Variants in ZSCAN5A observed in about 807,000 individuals in gnomAD.
ZSCAN5A encodes zinc finger and SCAN domain containing 5A.
Under a neutral mutation model 23.7 loss-of-function variants are expected in ZSCAN5A, and 12 were observed. That is an observed-to-expected ratio of 0.51 (90% CI 0.32 to 0.82). The LOEUF is 0.82. Ranked by LOEUF, ZSCAN5A falls within the 40% of genes least tolerant of loss-of-function variation. ZSCAN5A has a pLI of 0.03. For synonymous variants in ZSCAN5A, 257 were observed against 239.9 expected (o/e 1.07, Z -0.66); for missense variants, 597 against 617.9 (o/e 0.97, Z 0.36).
chr19:56,287,105 T>G (rs1257478913), intron 2 of ZSCAN5A, among the ~76,000 whole-genome samples: 1 of 152,244 alleles, frequency 6.6e-6, no homozygotes, highest in Non-Finnish European at 1.5e-5. Flanking sequence ...AAGTCTTCCT[T>G]GTGGTTTCTG....
intron 2 of ZSCAN5A, among the ~76,000 whole-genome samples, chr19:56,302,608 T>TCTCCCTCTTCCTCC (rs1393987659): frequency 3.2e-5 from 2 of 62,122 alleles, no homozygotes; most frequent in Non-Finnish European, 5.9e-5. Flanking sequence ...CTCTTCTTCC[T>TCTCCCTCTTCCTCC]CTCCCTCTTC....
intron 2 of ZSCAN5A, among the ~76,000 whole-genome samples, chr19:56,277,761 G>A (rs2038374583): frequency 6.6e-6 from 1 of 151,632 alleles, no homozygotes; most frequent in Non-Finnish European, 1.5e-5. Flanking sequence ...AAGGAAGGAG[G>A]GTGGCAGGGA....
intron 3 of ZSCAN5A, 118 bp downstream of exon 3, chr19:56,224,545 T>C (rs1416364621): frequency 1.8e-5 from 23 of 1,274,210 alleles, no homozygotes; most frequent in Non-Finnish European, 2.5e-5. Flanking sequence ...GGGCAAACTC[T>C]CCTCTACTTG....
intron 2 of ZSCAN5A, chr19:56,296,171 G>C (rs1253847955): frequency 2.0e-5 from 3 of 152,722 alleles, no homozygotes; most frequent in Admixed American, 6.5e-5. Context: ...TGTGGCACAG[G>C]GGGGAGGTGG....
Position 56,228,761 on chromosome 19 carries a change from G to GA in ZSCAN5A, c.-127-3589dup, listed in dbSNP as rs572772706. Among the ~76,000 whole-genome samples, 141 of 151,784 alleles carry GA rather than the reference G, an allele frequency of 9.3e-4. 1 individual carries two copies. The highest frequency in any genetic ancestry group is 3.4e-3 in the Middle Eastern group (1 of 292). ...TGAATATTGGTGATAATTTTTTACT[G>GA]AAAAAAAGAGACAGTCTTTGTTGAT... On this transcript the variant is annotated intron_variant, in intron 2 of 5. Coordinates refer to ENST00000683990, the MANE Select transcript of ZSCAN5A (RefSeq NM_001322064.3).
At chr19:56,264,030 C>T (rs1009020785) in intron 2 of ZSCAN5A, among the ~76,000 whole-genome samples, 9 of 148,428 alleles carry the variant, frequency 6.1e-5, no homozygotes, top group Non-Finnish European at 1.2e-4. Context: ...AGTGCAATGG[C>T]ATGATCTTGG....
intron 2 of ZSCAN5A, among the ~76,000 whole-genome samples, chr19:56,237,781 A>G (rs1454794132): frequency 6.6e-6 from 1 of 151,946 alleles, no homozygotes; most frequent in African/African-American, 2.4e-5. Flanking sequence ...TTAGCCGGGC[A>G]TGGGTGGCGC....
chr19:56,320,199 T>G, intron 2 of ZSCAN5A: 1 of 659,358 alleles, frequency 1.5e-6, no homozygotes, highest in Non-Finnish European at 2.9e-6. Flanking sequence ...CTGTTTCTTA[T>G]AATCATCTCA....
At chr19:56,355,228 G>A (rs1417650106) in intron 2 of ZSCAN5A, among the ~76,000 whole-genome samples, 1 of 148,414 alleles carries the variant, frequency 6.7e-6, no homozygotes, top group Non-Finnish European at 1.5e-5. Context: ...CAGTAAGTGT[G>A]AACTTTTTCT....
intron 2 of ZSCAN5A, among the ~76,000 whole-genome samples, chr19:56,241,170 C>T (rs1005106233): frequency 3.3e-5 from 5 of 152,202 alleles, no homozygotes; most frequent in Admixed American, 6.5e-5. Flanking sequence ...AATACTAACC[C>T]GCATACCTGC....
At chr19:56,309,022 G>A (rs567357077) in intron 2 of ZSCAN5A, among the ~76,000 whole-genome samples, 9 of 152,328 alleles carry the variant, frequency 5.9e-5, no homozygotes, top group South Asian at 2.1e-4. Context: ...CAAAGCAATC[G>A]TAGAGAATAC....
chr19:56,349,453 T>C (rs2041653744), intron 2 of ZSCAN5A, among the ~76,000 whole-genome samples: 1 of 151,844 alleles, frequency 6.6e-6, no homozygotes, highest in Non-Finnish European at 1.5e-5. Context: ...TCCCAGCACT[T>C]TGGGAGGCCG....
chr19:56,240,398 C>A (rs929190050), intron 2 of ZSCAN5A, among the ~76,000 whole-genome samples: 1 of 152,218 alleles, frequency 6.6e-6, no homozygotes, highest in Non-Finnish European at 1.5e-5. Context: ...TGGCCCTAAA[C>A]CAATCATGGG....
intron 2 of ZSCAN5A, among the ~76,000 whole-genome samples, chr19:56,353,535 C>T (rs185582985): frequency 4.6e-5 from 7 of 152,050 alleles, no homozygotes; most frequent in East Asian, 1.9e-4. Context: ...TTTGGGAGGC[C>T]GAGGCGGGCG....
chr19:56,247,417 GC>G, intron 2 of ZSCAN5A: 3 of 176,314 alleles, frequency 1.7e-5, no homozygotes, highest in Admixed American at 5.8e-5. Flanking sequence ...GTGTCTAAGA[GC>G]CTTTCGTCGG....
chr19:56,320,995 TA>T, intron 2 of ZSCAN5A: 1 of 712,104 alleles, frequency 1.4e-6, no homozygotes, highest in South Asian at 1.4e-5. Context: ...CACAGACCGG[TA>T]AGTTGTCCAC....
intron 2 of ZSCAN5A, among the ~76,000 whole-genome samples, chr19:56,251,074 C>T (rs530294425): frequency 6.6e-5 from 10 of 150,534 alleles, no homozygotes; most frequent in East Asian, 2.0e-4. Flanking sequence ...CGCTTGAACC[C>T]GGGTGGCAGA....
intron 2 of ZSCAN5A, among the ~76,000 whole-genome samples, chr19:56,327,419 G>A (rs1184913254): frequency 1.3e-5 from 2 of 151,046 alleles, no homozygotes; most frequent in Admixed American, 6.6e-5. Context: ...CTGGCCAACT[G>A]CAATGATTTT....
intron 2 of ZSCAN5A, among the ~76,000 whole-genome samples, chr19:56,331,000 G>A (rs555896322): frequency 1.1e-4 from 17 of 152,236 alleles, no homozygotes; most frequent in African/African-American, 4.1e-4. Flanking sequence ...AAATGTAGGG[G>A]TCCAGTTGCA....
Sources: allele counts gnomAD v4.1 joint callset (sites outside exome capture counted in the v4.1 genomes callset), GRCh38; gene constraint gnomAD v4.1.1; transcripts MANE v1.5; gene names NCBI Gene and HGNC (gene_info 2026-07-23, HGNC 2026-07-21).